Variants in SPTSSA observed in about 807,000 individuals in gnomAD.
The protein encoded by SPTSSA is serine palmitoyltransferase small subunit A, also known as small subunit of serine palmitoyltransferase A.
In SPTSSA, 8 loss-of-function variants were observed where a neutral mutation model predicts 9.1. The observed-to-expected ratio is 0.88, with a 90% CI of 0.51 to 1.58. The LOEUF is 1.58. Among genes scored for constraint, SPTSSA ranks in the 40% most tolerant of loss-of-function variants. SPTSSA has a pLI of 0.00. For synonymous variants in SPTSSA, 42 were observed against 37.7 expected (o/e 1.11, Z -0.41); for missense variants, 100 against 93.8 (o/e 1.07, Z -0.27).
chr14:34,444,169 T>C (rs1414516260), intron 1 of SPTSSA, among the ~76,000 whole-genome samples: 1 of 152,272 alleles, frequency 6.6e-6, no homozygotes, highest in Non-Finnish European at 1.5e-5. Flanking sequence ...TAATGCCTTT[T>C]AGTTCATGTG....
In SPTSSA at chr14:34,438,343, C is replaced by T. The variant is rs779837372; in HGVS notation, c.113-3039G>A. On this transcript the variant is annotated intron_variant, in intron 1 of 1. Transcript: ENST00000298130. ...ATTATACTTAACCCGGTGAGCACAC[C>T]TAATCCAGTATCAAAAATGCTCCAA... Among the ~76,000 whole-genome samples, 4 of 152,078 alleles carry T rather than the reference C, an allele frequency of 2.6e-5. No individual in the cohort carries two copies. The Middle Eastern group carries it at 0.01, about 388-fold the overall frequency.
In SPTSSA at chr14:34,433,551, ACTC is replaced by A. The variant is rs1316771288; in HGVS notation, c.*1647_*1649del. On this transcript the variant is annotated 3_prime_UTR_variant, in exon 2 of 2. Coordinates refer to ENST00000298130, the MANE Select transcript of SPTSSA (RefSeq NM_138288.4). ...CAAGTAATTCCATATTATTCTCACT[ACTC>A]CTATCTAATTGTGGTATCAATTGGC... 1 of 152,058 alleles carries A rather than the reference ACTC, an allele frequency of 6.6e-6. No individual in the cohort carries two copies. Among genetic ancestry groups the A allele is most frequent in the Non-Finnish European group, 1.5e-5 (1 of 68,018 alleles). The allele number at this position is 152,058 out of a possible 1,614,324, so 9.4% of individuals were successfully genotyped here.
Position 34,443,136 on chromosome 14 carries a change from T to G in SPTSSA, c.113-7832A>C, listed in dbSNP as rs1475808340. Among the ~76,000 whole-genome samples, 82 of 61,648 alleles carry G rather than the reference T, an allele frequency of 1.3e-3. 1 individual carries two copies. The highest frequency in any genetic ancestry group is 1.7e-3 in the Non-Finnish European group (64 of 37,208). The allele number at this position is 61,648 out of a possible 152,430, so 40.4% of individuals were successfully genotyped here. A position where few individuals can be genotyped will look rare whatever the true frequency, so the allele number is the denominator to read the frequency against. On this transcript the variant is annotated intron_variant, in intron 1 of 1. Coordinates refer to ENST00000298130, the MANE Select transcript of SPTSSA (RefSeq NM_138288.4). ...CAAGCGATTCTCCTGCTTCTAGGGG[T>G]GTGTGTGTGTGTGTGTGTGTGTGTG... is the stretch of plus-strand genomic sequence containing the variant.
intron 1 of SPTSSA, among the ~76,000 whole-genome samples, chr14:34,454,126 A>G (rs1883571926): frequency 6.6e-6 from 1 of 152,202 alleles, no homozygotes; most frequent in Non-Finnish European, 1.5e-5. Context: ...GGTACAGTGA[A>G]CTAAAGATCA....
At chr14:34,445,409 G>A (rs1883404229) in intron 1 of SPTSSA, among the ~76,000 whole-genome samples, 1 of 151,998 alleles carries the variant, frequency 6.6e-6, no homozygotes, top group South Asian at 2.1e-4. Context: ...GCTGAGGCAG[G>A]AGAATTGCTT....
At position 34,456,278 on chromosome 14, in the gene SPTSSA, C is replaced by T. The variant is rs1330802339; in HGVS notation, c.112+5818G>A. 4.0e-5 allele frequency among the ~76,000 whole-genome samples: 6 copies of T among 150,914 alleles called. No homozygotes were observed. The South Asian group carries it at 6.3e-4, about 16-fold the overall frequency. ...CAGAGATTGCAGTGAGCTGAGATCG[C>T]GTCATTGCACTCCAGCCTGGGCAAC... On this transcript the variant is annotated intron_variant, in intron 1 of 1. Coordinates refer to ENST00000298130, the MANE Select transcript of SPTSSA (RefSeq NM_138288.4).
At chr14:34,435,830 A>C (rs533360997) in intron 1 of SPTSSA, among the ~76,000 whole-genome samples, 1 of 151,892 alleles carries the variant, frequency 6.6e-6, no homozygotes, top group Non-Finnish European at 1.5e-5. Flanking sequence ...GGGTTTCACC[A>C]TGTTGGCCAG....
chr14:34,443,787 C>T (rs181460434), intron 1 of SPTSSA, among the ~76,000 whole-genome samples: 34 of 152,230 alleles, frequency 2.2e-4, no homozygotes, highest in Admixed American at 2.0e-3. Flanking sequence ...CCACCTGCCT[C>T]GGCCTCTCAA....
chr14:34,451,717 C>CAAA (rs35096900), intron 1 of SPTSSA, among the ~76,000 whole-genome samples: 2 of 77,160 alleles, frequency 2.6e-5, no homozygotes, highest in African/African-American at 4.2e-5. Flanking sequence ...GACTCTGTTT[C>CAAA]AAAAAAAAAA....
chr14:34,451,607 C>T (rs1173863832), intron 1 of SPTSSA, among the ~76,000 whole-genome samples: 1 of 151,464 alleles, frequency 6.6e-6, no homozygotes, highest in Non-Finnish European at 1.5e-5. Context: ...CCTGTAGTCC[C>T]AGCTACTCCG....
At chr14:34,446,589 AAC>A (rs1883426389) in intron 1 of SPTSSA, among the ~76,000 whole-genome samples, 1 of 152,222 alleles carries the variant, frequency 6.6e-6, no homozygotes, top group African/African-American at 2.4e-5. Context: ...TCAAAAATAA[AAC>A]ACTGGTTCAC....
At chr14:34,442,032 T>A (rs1304289097) in intron 1 of SPTSSA, among the ~76,000 whole-genome samples, 2 of 152,028 alleles carry the variant, frequency 1.3e-5, no homozygotes, top group Non-Finnish European at 2.9e-5. Flanking sequence ...CCCGCCACCA[T>A]GCCCGGCTAA....
rs764026741 is a variant in SPTSSA at position 34,462,231 on chromosome 14, A to C, written c.-24T>G. 3.4e-6 allele frequency: 5 copies of C among 1,478,392 alleles called. No homozygotes were observed. The African/African-American group carries it at 5.9e-5, about 18-fold the overall frequency. 91.6% of individuals were successfully genotyped at this position (1,478,392 alleles called of 1,614,324 possible). ...ATGCGCCTCCCGCGATGCAGCTCAC[A>C]CGTCAGTCTGTCCGGCCGGCCGCCC... On this transcript the variant is annotated 5_prime_UTR_variant, in exon 1 of 2. Coordinates refer to ENST00000298130, the MANE Select transcript of SPTSSA (RefSeq NM_138288.4).
At chr14:34,444,249 C>T (rs919429641) in intron 1 of SPTSSA, among the ~76,000 whole-genome samples, 2 of 149,804 alleles carry the variant, frequency 1.3e-5, no homozygotes, top group Non-Finnish European at 3.0e-5. Context: ...AAAATGTAAA[C>T]ATTTGGTCTA....
Position 34,462,185 on chromosome 14 carries a change from C to G in SPTSSA, c.23G>C (p.Arg8Pro). The G allele has an allele frequency of 1.3e-6, 2 of 1,532,432 alleles. No homozygotes were observed. The highest frequency in any genetic ancestry group is 1.8e-6 in the Non-Finnish European group (2 of 1,135,978). The allele number at this position is 1,532,432 out of a possible 1,614,324, so 94.9% of individuals were successfully genotyped here. A position where few individuals can be genotyped will look rare whatever the true frequency, so the allele number is the denominator to read the frequency against. MAGMALA[R>P]AWKQMSWFYY... ...GAACCAGGACATCTGCTTCCAGGCC[C>G]GCGCCAGCGCCATCCCCGCCATGCG... The change falls in exon 1 of 2, where the codon CGG (arginine) becomes CCG (proline). Residue 8 changes from arginine to proline, a missense_variant. Transcript: ENST00000298130.
At chr14:34,438,190 C>T (rs748748810) in intron 1 of SPTSSA, among the ~76,000 whole-genome samples, 61 of 152,242 alleles carry the variant, frequency 4.0e-4, no homozygotes, top group Non-Finnish European at 7.2e-4. Flanking sequence ...GAATTCCCAT[C>T]GTTTTGTCTT....
At position 34,462,136 on chromosome 14, in the gene SPTSSA, C is replaced by G; in HGVS notation, c.72G>C (p.Thr24=). 1 of 1,531,792 alleles carries G rather than the reference C, an allele frequency of 6.5e-7. No individual in the cohort carries two copies. Among genetic ancestry groups the G allele is most frequent in the Non-Finnish European group, 8.8e-7 (1 of 1,135,246 alleles). 94.9% of individuals were successfully genotyped at this position (1,531,792 alleles called of 1,614,324 possible). A position where few individuals can be genotyped will look rare whatever the true frequency, so the allele number is the denominator to read the frequency against. The change falls in exon 1 of 2, where the codon ACG becomes ACC. Residue 24 remains threonine (T), a synonymous_variant. Coordinates refer to ENST00000298130, the MANE Select transcript of SPTSSA (RefSeq NM_138288.4). The part of the protein sequence containing the change: ...SWFYYQYLLV[T]ALYMLEPWER... ...CCCAGGGCTCCAGCATGTAGAGCGC[C>G]GTGACCAGCAGGTACTGGTAGTAGA...
chr14:34,443,780 C>T (rs1273615288), intron 1 of SPTSSA, among the ~76,000 whole-genome samples: 2 of 152,242 alleles, frequency 1.3e-5, no homozygotes, highest in African/African-American at 4.8e-5. Context: ...AGGGGATCCA[C>T]CTGCCTCGGC....
At chr14:34,446,504 T>A (rs2787446) in intron 1 of SPTSSA, among the ~76,000 whole-genome samples, 1 of 152,156 alleles carries the variant, frequency 6.6e-6, no homozygotes, top group Non-Finnish European at 1.5e-5. Context: ...GGTAATCTTA[T>A]ACTTTGACAG....
Sources: gnomAD v4.1 joint callset for allele counts (sites outside exome capture counted in the v4.1 genomes callset) on GRCh38, gnomAD v4.1.1 for gene constraint, MANE v1.5 for transcripts, NCBI Gene and HGNC (gene_info 2026-07-23, HGNC 2026-07-21) for gene names.